The following CPEB3 variants were observed in gnomAD, a reference collection of about 807,000 sequenced individuals.
CPEB3 encodes the protein cytoplasmic polyadenylation element-binding protein 3.
A neutral mutation model predicts 67.2 loss-of-function variants in CPEB3; 20 were observed. The observed-to-expected ratio is 0.30, with a 90% CI of 0.21 to 0.43. CPEB3 has a LOEUF of 0.43. Among genes scored for constraint, CPEB3 ranks in the 20% least tolerant of loss-of-function variants. CPEB3 has a pLI of 1.00. For synonymous variants in CPEB3, 376 were observed against 393.1 expected (o/e 0.96, Z 0.51); for missense variants, 746 against 968.6 (o/e 0.77, Z 3.05).
At chr10:92,139,728 G>A (rs1013053495) in intron 6 of CPEB3, among the ~76,000 whole-genome samples, 2 of 152,062 alleles carry the variant, frequency 1.3e-5, no homozygotes, top group Admixed American at 1.3e-4. Context: ...AATGCTTGAG[G>A]TGATGAATAC....
chr10:92,291,088 G>T, upstream of CPEB3: 5 of 267,386 alleles, frequency 1.9e-5, no homozygotes, highest in South Asian at 1.7e-4. Context: ...TAGTGGAGAC[G>T]GTCCGAAGAC....
chr10:92,141,751 G>C (rs529507583), intron 6 of CPEB3, among the ~76,000 whole-genome samples: 1 of 151,026 alleles, frequency 6.6e-6, no homozygotes, highest in African/African-American at 2.4e-5. Context: ...GGGCATGGTG[G>C]CTCACGCCTG....
chr10:92,139,381 A>G (rs535665240), intron 6 of CPEB3, among the ~76,000 whole-genome samples: 121 of 152,246 alleles, frequency 7.9e-4, no homozygotes, highest in African/African-American at 2.6e-3. Flanking sequence ...CTGCAACAAC[A>G]TGGATGGAAC....
At chr10:92,081,623 T>C in intron 8 of CPEB3, 122 bp from the exon 9 acceptor site, 1 of 864,098 alleles carries the variant, frequency 1.2e-6, no homozygotes, top group Non-Finnish European at 1.7e-6. Flanking sequence ...CCATGTTAAG[T>C]ATCATGAAGA....
chr10:92,207,525 C>G (rs1849850914), intron 2 of CPEB3, among the ~76,000 whole-genome samples: 1 of 152,140 alleles, frequency 6.6e-6, no homozygotes, highest in African/African-American at 2.4e-5. Context: ...ATCGTATTTA[C>G]TTTTATAGGC....
At chr10:92,251,723 A>G (rs1434248276) in intron 1 of CPEB3, among the ~76,000 whole-genome samples, 1 of 152,168 alleles carries the variant, frequency 6.6e-6, no homozygotes, top group African/African-American at 2.4e-5. Context: ...CCTTAAAAGA[A>G]AACCTGGGAG....
At chr10:92,201,477 A>T (rs1411674476) in intron 2 of CPEB3, among the ~76,000 whole-genome samples, 2 of 152,206 alleles carry the variant, frequency 1.3e-5, no homozygotes, top group African/African-American at 2.4e-5. Context: ...ACAGTGAGTC[A>T]AGGTGGTGCC....
At chr10:92,113,897 A>T (rs1428602772) in intron 6 of CPEB3, among the ~76,000 whole-genome samples, 1 of 152,226 alleles carries the variant, frequency 6.6e-6, no homozygotes, top group African/African-American at 2.4e-5. Context: ...TACAAATACT[A>T]TTATCAAGAG....
At chr10:92,148,541 C>T (rs1846801451) in intron 4 of CPEB3, among the ~76,000 whole-genome samples, 1 of 152,020 alleles carries the variant, frequency 6.6e-6, no homozygotes, top group Non-Finnish European at 1.5e-5. Context: ...CATTTGGGTG[C>T]GTTTTTATTG....
At chr10:92,276,895 G>A (rs1389115727) in intron 1 of CPEB3, among the ~76,000 whole-genome samples, 3 of 152,290 alleles carry the variant, frequency 2.0e-5, no homozygotes, top group Non-Finnish European at 4.4e-5. Context: ...TGAGAGTGAA[G>A]TGGTATCTCA....
intron 1 of CPEB3, among the ~76,000 whole-genome samples, chr10:92,261,397 C>T (rs941213316): frequency 6.6e-6 from 1 of 152,112 alleles, no homozygotes; most frequent in Non-Finnish European, 1.5e-5. Flanking sequence ...ATAAACCTTA[C>T]TGTAAAGCTG....
At position 92,133,478 on chromosome 10, in the gene CPEB3, G is replaced by A. The variant is rs546599158; in HGVS notation, c.1453+9551C>T. ...CCCAAGACTAAACCAGGAAGAAGCT[G>A]AATCTCTGAATACACCAATAACAGG... On this transcript the variant is annotated intron_variant, in intron 6 of 9. Coordinates refer to ENST00000265997, the MANE Select transcript of CPEB3 (RefSeq NM_014912.5). 1.8e-3 allele frequency among the ~76,000 whole-genome samples: 274 copies of A among 152,264 alleles called. 1 individual carries two copies. Among genetic ancestry groups the A allele is most frequent in the Non-Finnish European group, 6.5e-4 (44 of 68,022 alleles).
chr10:92,079,271 AAAGGTTTATCAAGCATC>A (rs1213242078), intron 9 of CPEB3, among the ~76,000 whole-genome samples: 1 of 152,190 alleles, frequency 6.6e-6, no homozygotes, highest in Non-Finnish European at 1.5e-5. Flanking sequence ...TTAATTCAAC[AAAGGTTTATCAAGCATC>A]AATGACTAAA....
intron 6 of CPEB3, among the ~76,000 whole-genome samples, chr10:92,141,964 G>A (rs1167143974): frequency 6.7e-6 from 1 of 148,712 alleles, no homozygotes; most frequent in African/African-American, 2.5e-5. Flanking sequence ...CTTGCAGTGA[G>A]CCGAGATCAC....
intron 1 of CPEB3, among the ~76,000 whole-genome samples, chr10:92,259,165 G>T (rs1021732154): frequency 6.6e-6 from 1 of 150,910 alleles, no homozygotes; most frequent in African/African-American, 2.4e-5. Flanking sequence ...GTTTCACCAT[G>T]TTGGCCAGGC....
chr10:92,274,091 A>G (rs760122998), intron 1 of CPEB3, among the ~76,000 whole-genome samples: 1 of 152,222 alleles, frequency 6.6e-6, no homozygotes, highest in Non-Finnish European at 1.5e-5. Flanking sequence ...AATGTCAGCC[A>G]TGCCACTTAC....
chr10:92,150,981 T>C (rs1295179430), intron 4 of CPEB3, among the ~76,000 whole-genome samples: 1 of 152,196 alleles, frequency 6.6e-6, no homozygotes, highest in African/African-American at 2.4e-5. Context: ...TTCTCTGATA[T>C]CTATTTCAAT....
chr10:92,236,042 C>A (rs1851513868), intron 2 of CPEB3, among the ~76,000 whole-genome samples: 1 of 152,190 alleles, frequency 6.6e-6, no homozygotes, highest in South Asian at 2.1e-4. Context: ...TCTAGGCTTC[C>A]TTGACTTGTA....
chr10:92,216,703 C>G (rs1590414356), intron 2 of CPEB3: 1 of 1,606,062 alleles, frequency 6.2e-7, no homozygotes. Flanking sequence ...AGCGCCCCAC[C>G]TGTGTGATAA....
Sources: allele counts gnomAD v4.1 joint callset (sites outside exome capture counted in the v4.1 genomes callset), GRCh38; gene constraint gnomAD v4.1.1; transcripts MANE v1.5; gene names NCBI Gene and HGNC (gene_info 2026-07-23, HGNC 2026-07-21).